Variants in SV2C observed in about 807,000 individuals in gnomAD.
The protein encoded by SV2C is synaptic vesicle glycoprotein 2C.
SV2C carries 49 observed loss-of-function variants against 79.7 expected under a neutral mutation model. The observed-to-expected ratio is 0.61, with a 90% CI of 0.49 to 0.78. SV2C has a LOEUF of 0.78. SV2C is among the 30% of genes least tolerant of loss of function. The probability of loss-of-function intolerance (pLI) is 0.00; values close to 1 mark genes in which losing one functional copy is unlikely to be tolerated. For missense variants in SV2C, 833 were observed against 912.9 expected, an observed-to-expected ratio of 0.91 and a Z score of 1.13; for synonymous variants, 334 against 333.2, an observed-to-expected ratio of 1.00 and a Z score of -0.03.
the SV2C span, among the ~76,000 whole-genome samples, chr5:75,992,164 A>G: frequency 2.0e-5 from 3 of 151,930 alleles, no homozygotes; most frequent in African/African-American, 4.8e-5. Flanking sequence ...TATATATCCA[A>G]TTTATTTGGG....
chr5:75,881,976 A>G, the SV2C span, among the ~76,000 whole-genome samples: 2 of 148,398 alleles, frequency 1.3e-5, no homozygotes, highest in East Asian at 1.9e-4. Context: ...CGTCCCATCA[A>G]TACCTGATTT....
the SV2C span, among the ~76,000 whole-genome samples, chr5:75,873,565 G>A: frequency 6.6e-6 from 1 of 151,832 alleles, no homozygotes; most frequent in Non-Finnish European, 1.5e-5. Context: ...TTTTGCTTTT[G>A]GAATTTTATC....
chr5:76,227,399 T>TC (rs1301150414), intron 4 of SV2C, among the ~76,000 whole-genome samples: 2 of 151,990 alleles, frequency 1.3e-5, no homozygotes, highest in Non-Finnish European at 2.9e-5. Flanking sequence ...AAGGGGCATT[T>TC]CCCCCCTGTC....
chr5:76,236,769 G>T (rs956255072), intron 4 of SV2C, among the ~76,000 whole-genome samples: 1 of 152,110 alleles, frequency 6.6e-6, no homozygotes, highest in East Asian at 1.9e-4. Flanking sequence ...GACACTGGGG[G>T]TCAAATTTCA....
At chr5:76,141,823 C>CAAAAA (rs11313342) in intron 2 of SV2C, among the ~76,000 whole-genome samples, 14 of 72,442 alleles carry the variant, frequency 1.9e-4, no homozygotes, top group Non-Finnish European at 2.3e-4. Flanking sequence ...AAGTCCATCT[C>CAAAAA]AAAAAAAAAA....
intron 4 of SV2C, among the ~76,000 whole-genome samples, chr5:76,268,340 C>T (rs892447985): frequency 2.0e-5 from 3 of 152,178 alleles, no homozygotes; most frequent in African/African-American, 4.8e-5. Context: ...ACTGGATTCA[C>T]GGGGCTCGAT....
At chr5:76,311,831 C>G (rs1748452782) in intron 12 of SV2C, among the ~76,000 whole-genome samples, 1 of 152,214 alleles carries the variant, frequency 6.6e-6, no homozygotes, top group Non-Finnish European at 1.5e-5. Flanking sequence ...TCCCTGCCAC[C>G]AGCAAAATTA....
rs529080975 is a variant in SV2C, at chr5:76,140,958, T to A, written c.580+8628T>A. Among the ~76,000 whole-genome samples, 16 of 152,344 alleles carry A rather than the reference T, an allele frequency of 1.1e-4. 1 individual carries two copies. In the East Asian group the frequency reaches 1.7e-3, roughly 17 times the overall value. Reference sequence around the variant, plus strand: ...AAAAGTTATTGGCTCATAGAGCACATCCTGTCTACCAACACTAGCAAAATC... The same window carrying A: ...AAAAGTTATTGGCTCATAGAGCACAACCTGTCTACCAACACTAGCAAAATC... On this transcript the variant is annotated intron_variant, in intron 2 of 12. Transcript: ENST00000502798.
intron 12 of SV2C, among the ~76,000 whole-genome samples, chr5:76,320,820 A>G (rs563146155): frequency 6.6e-6 from 1 of 152,318 alleles, no homozygotes; most frequent in South Asian, 2.1e-4. Flanking sequence ...AGAATATGAA[A>G]TTAGCTTACC....
chr5:76,316,176 A>G (rs1399696276), intron 12 of SV2C, among the ~76,000 whole-genome samples: 1 of 152,226 alleles, frequency 6.6e-6, no homozygotes, highest in African/African-American at 2.4e-5. Context: ...TGTGATTTAT[A>G]TGACTGGAAG....
chr5:76,306,834 T>G (rs1301890786), intron 12 of SV2C, among the ~76,000 whole-genome samples: 1 of 152,208 alleles, frequency 6.6e-6, no homozygotes, highest in African/African-American at 2.4e-5. Context: ...AATTACAAAT[T>G]AAAGCAATTA....
At chr5:76,229,844 A>C (rs1264788290) in intron 4 of SV2C, among the ~76,000 whole-genome samples, 1 of 152,238 alleles carries the variant, frequency 6.6e-6, no homozygotes, top group African/African-American at 2.4e-5. Context: ...AAAATTCTGA[A>C]GTACATGAGA....
intron 2 of SV2C, among the ~76,000 whole-genome samples, chr5:76,135,885 C>G (rs1474860721): frequency 1.3e-5 from 2 of 152,176 alleles, no homozygotes; most frequent in African/African-American, 4.8e-5. Context: ...CCATTTTCAG[C>G]TCAGCCCTAC....
chr5:76,143,428 A>C (rs1475916039), intron 2 of SV2C, among the ~76,000 whole-genome samples: 3 of 152,146 alleles, frequency 2.0e-5, no homozygotes, highest in Non-Finnish European at 2.9e-5. Context: ...CCGGAGCCCT[A>C]GTAACAGGGA....
chr5:75,949,561 G>A, the SV2C span, among the ~76,000 whole-genome samples: 43,973 of 151,832 alleles, frequency 0.29, 8,082 homozygotes, highest in African/African-American at 0.53. Flanking sequence ...GGAGATAGCT[G>A]GATCATAGGG....
chr5:75,961,263 G>T, the SV2C span, among the ~76,000 whole-genome samples: 2 of 151,902 alleles, frequency 1.3e-5, no homozygotes, highest in Non-Finnish European at 2.9e-5. Context: ...CTGTCAATGG[G>T]CTGCTGCTGT....
chr5:75,962,969 T>C, the SV2C span, among the ~76,000 whole-genome samples: 6 of 152,036 alleles, frequency 3.9e-5, no homozygotes, highest in Non-Finnish European at 8.8e-5. Flanking sequence ...TACAAGTTAA[T>C]ATCATCACCT....
chr5:75,904,003 C>T, the SV2C span, among the ~76,000 whole-genome samples: 2 of 152,074 alleles, frequency 1.3e-5, no homozygotes, highest in Non-Finnish European at 2.9e-5. Context: ...GAAAGGTGTA[C>T]TCATGGCATA....
intron 4 of SV2C, among the ~76,000 whole-genome samples, chr5:76,238,930 A>C (rs1256778510): frequency 6.6e-6 from 1 of 152,138 alleles, no homozygotes; most frequent in African/African-American, 2.4e-5. Flanking sequence ...TAGTCCTCTG[A>C]TTGCTTGGCT....
Sources: gnomAD v4.1 joint callset for allele counts (sites outside exome capture counted in the v4.1 genomes callset) on GRCh38, gnomAD v4.1.1 for gene constraint, MANE v1.5 for transcripts, NCBI Gene and HGNC (gene_info 2026-07-23, HGNC 2026-07-21) for gene names.